Variants in MARK1 observed in about 807,000 individuals in gnomAD.
MARK1 encodes the protein serine/threonine-protein kinase MARK1.
In MARK1, 40 loss-of-function variants were observed where a neutral mutation model predicts 96.3. That is an observed-to-expected ratio of 0.42 (90% CI 0.32 to 0.54). The LOEUF (loss-of-function observed/expected upper bound fraction) is 0.54. Among genes scored for constraint, MARK1 ranks in the 20% least tolerant of loss-of-function variants. MARK1 has a pLI of 0.16. For synonymous variants in MARK1, 317 were observed against 341.2 expected (o/e 0.93, Z 0.78); for missense variants, 719 against 984.6 (o/e 0.73, Z 3.61).
chr1:220,528,955 C>T, intron 1 of MARK1, 82 bp downstream of exon 1: 1 of 1,410,042 alleles, frequency 7.1e-7, no homozygotes, highest in Non-Finnish European at 9.5e-7. Flanking sequence ...TGGGCCGTCC[C>T]CCGTGCCTCG....
chr1:220,574,644 TTTATGGCTCTTCA>T (rs1663709678), intron 1 of MARK1, among the ~76,000 whole-genome samples: 1 of 152,232 alleles, frequency 6.6e-6, no homozygotes, highest in African/African-American at 2.4e-5. Flanking sequence ...TGCCTGCTTT[TTTATGGCTCTTCA>T]GAGCCTTCAA....
At chr1:220,579,828 AT>A (rs764991603) in intron 2 of MARK1, among the ~76,000 whole-genome samples, 3 of 152,214 alleles carry the variant, frequency 2.0e-5, no homozygotes, top group Admixed American at 6.5e-5. Flanking sequence ...TCGTTATATG[AT>A]TTCTGTGAAC....
chr1:220,608,835 G>C (rs1223723217), intron 6 of MARK1, among the ~76,000 whole-genome samples: 1 of 152,192 alleles, frequency 6.6e-6, no homozygotes, highest in Non-Finnish European at 1.5e-5. Flanking sequence ...TTCAGGAGCA[G>C]GTTGTTCAGT....
chr1:220,545,877 A>G (rs957265741), intron 1 of MARK1, among the ~76,000 whole-genome samples: 1 of 152,176 alleles, frequency 6.6e-6, no homozygotes, highest in Non-Finnish European at 1.5e-5. Flanking sequence ...CCTGTTCTCT[A>G]CTAGGCCTTG....
At chr1:220,572,470 C>T (rs189723050) in intron 1 of MARK1, among the ~76,000 whole-genome samples, 532 of 152,132 alleles carry the variant, frequency 3.5e-3, no homozygotes, top group Non-Finnish European at 5.5e-3. Context: ...CTTGAACTCC[C>T]GACCTCAGGT....
At chr1:220,605,465 AT>A (rs929429704) in intron 6 of MARK1, among the ~76,000 whole-genome samples, 3 of 151,244 alleles carry the variant, frequency 2.0e-5, no homozygotes, top group Non-Finnish European at 4.4e-5. Flanking sequence ...TACACACATC[AT>A]TTTTTTAAAT....
At chr1:220,533,370 CTT>C (rs143742518) in intron 1 of MARK1, among the ~76,000 whole-genome samples, 2 of 149,206 alleles carry the variant, frequency 1.3e-5, no homozygotes, top group Admixed American at 6.7e-5. Flanking sequence ...ATTATTACGT[CTT>C]TTTTTTTTAT....
chr1:220,602,417 A>G (rs78957769), intron 5 of MARK1, among the ~76,000 whole-genome samples: 2,357 of 152,254 alleles, frequency 0.015, 34 homozygotes, highest in Middle Eastern at 0.045. Flanking sequence ...CAAAGTCCCT[A>G]CCCTCAAGAC....
chr1:220,544,025 C>T (rs1342204062), intron 1 of MARK1, among the ~76,000 whole-genome samples: 4 of 152,112 alleles, frequency 2.6e-5, no homozygotes, highest in South Asian at 4.1e-4. Flanking sequence ...AATGATAAGT[C>T]AATCCTTTTG....
chr1:220,638,715 A>T (rs1668108900), intron 13 of MARK1, among the ~76,000 whole-genome samples: 1 of 152,190 alleles, frequency 6.6e-6, no homozygotes, highest in African/African-American at 2.4e-5. Flanking sequence ...AAAGATTTTG[A>T]TAGAGAAATT....
intron 14 of MARK1, among the ~76,000 whole-genome samples, chr1:220,651,265 T>C (rs1668857117): frequency 6.6e-6 from 1 of 152,198 alleles, no homozygotes; most frequent in Non-Finnish European, 1.5e-5. Context: ...ATCAATATAG[T>C]ACAAAGACAT....
intron 5 of MARK1, 133 bp downstream of exon 5, chr1:220,599,996 A>G (rs916773715): frequency 2.6e-5 from 13 of 504,094 alleles, no homozygotes; most frequent in South Asian, 5.9e-5. Context: ...TTTAAATTAC[A>G]TCTTAAGGAA....
rs182959891 is a variant in MARK1, at chr1:220,570,248, G to A, written c.52-9106G>A. 2.9e-3 allele frequency among the ~76,000 whole-genome samples: 437 copies of A among 152,152 alleles called. 5 individuals carry two copies. Among genetic ancestry groups the A allele is most frequent in the African/African-American group, 0.01 (419 of 41,540 alleles). On this transcript the variant is annotated intron_variant, in intron 1 of 17. Transcript: ENST00000366917. ...CTGGGAAGTGATATCTAAGCTGAATGCGAAAGGATGAGTGAAGAGTTAACC... is the reference window on the plus strand; with the variant it reads ...CTGGGAAGTGATATCTAAGCTGAATACGAAAGGATGAGTGAAGAGTTAACC...
intron 10 of MARK1, 70 bp downstream of exon 10, chr1:220,631,204 T>A (rs2103005124): frequency 1.0e-6 from 1 of 1,000,396 alleles, no homozygotes; most frequent in South Asian, 1.4e-5. Flanking sequence ...TGTGCCAAAA[T>A]AGTGTTTAAG....
intron 1 of MARK1, among the ~76,000 whole-genome samples, chr1:220,566,891 C>T (rs1025935833): frequency 1.3e-5 from 2 of 152,010 alleles, no homozygotes; most frequent in African/African-American, 4.8e-5. Context: ...CTGGTAACAT[C>T]TGCTAAGTAA....
At chr1:220,536,110 C>G (rs1353873752) in intron 1 of MARK1, among the ~76,000 whole-genome samples, 1 of 151,912 alleles carries the variant, frequency 6.6e-6, no homozygotes, top group Non-Finnish European at 1.5e-5. Context: ...GATTTTGTAG[C>G]CTGAAACTGT....
intron 17 of MARK1, among the ~76,000 whole-genome samples, chr1:220,659,859 C>G (rs1315338406): frequency 6.6e-6 from 1 of 152,144 alleles, no homozygotes; most frequent in Non-Finnish European, 1.5e-5. Context: ...GGCACGATCT[C>G]AGCTCACTGC....
intron 13 of MARK1, among the ~76,000 whole-genome samples, chr1:220,647,150 A>G (rs1321572471): frequency 6.6e-6 from 1 of 152,178 alleles, no homozygotes; most frequent in African/African-American, 2.4e-5. Flanking sequence ...TTTGCAATCT[A>G]TCCATCTGAC....
At position 220,632,231 on chromosome 1, in the gene MARK1, A is replaced by G. The variant is rs768361376; in HGVS notation, c.1040A>G (p.Asp347Gly). The G allele has an allele frequency of 1.9e-6, 3 of 1,544,448 alleles. No homozygotes were observed. The highest frequency in any genetic ancestry group is 2.6e-6 in the Non-Finnish European group (3 of 1,144,976). ...ATGGTCACCATGGGCTTTGCACGAGATGAAATAAATGATGCCTTAATAAAT... is the reference window on the plus strand; with the variant it reads ...ATGGTCACCATGGGCTTTGCACGAGGTGAAATAAATGATGCCTTAATAAAT... ...DIMVTMGFARDEINDALINQK... is the reference protein window; with the variant it reads ...DIMVTMGFARGEINDALINQK... Residue 347 changes from aspartate to glycine, a missense_variant, in exon 11 of 18, where the codon GAT becomes GGT. Around this residue, in one of 4 missense-constraint regions of MARK1, gnomAD observed 501 missense variants for 588.3 expected, o/e 0.85. Transcript: ENST00000366917.
Sources: gnomAD v4.1 joint callset for allele counts (sites outside exome capture counted in the v4.1 genomes callset) on GRCh38, gnomAD v4.1.1 for gene constraint, gnomAD v4.1.1 regional missense constraint, MANE v1.5 for transcripts, NCBI Gene and HGNC (gene_info 2026-07-23, HGNC 2026-07-21) for gene names.